The following TSPAN11 variants were observed in gnomAD, a reference collection of about 807,000 sequenced individuals.
TSPAN11 encodes the protein tetraspanin 11.
In TSPAN11, 29 loss-of-function variants were observed where a neutral mutation model predicts 32.9. The observed-to-expected ratio is 0.88, with a 90% CI of 0.66 to 1.20. TSPAN11 has a LOEUF of 1.20. Ranked by LOEUF, TSPAN11 falls within the 50% of genes most tolerant of loss-of-function variation. The pLI, the probability that TSPAN11 is intolerant of heterozygous loss-of-function variation, is 0.00. For missense variants in TSPAN11, 283 were observed against 329.1 expected, an observed-to-expected ratio of 0.86 and a Z score of 1.08; for synonymous variants, 140 against 141.3, an observed-to-expected ratio of 0.99 and a Z score of 0.07.
intron 1 of TSPAN11, among the ~76,000 whole-genome samples, chr12:30,949,817 G>C (rs150017367): frequency 6.6e-6 from 1 of 152,130 alleles, no homozygotes; most frequent in Non-Finnish European, 1.5e-5. Flanking sequence ...GAAAGTGAGC[G>C]CTTGCTAGTC....
At chr12:31,011,190 TTGAGA>T in the TSPAN11 span, among the ~76,000 whole-genome samples, 1 of 152,076 alleles carries the variant, frequency 6.6e-6, no homozygotes, top group South Asian at 2.1e-4. Flanking sequence ...GGTCAGGAGT[TTGAGA>T]CCAACCTGGC....
downstream of TSPAN11, chr12:30,997,322 G>C (rs1939431756): frequency 6.6e-6 from 1 of 152,206 alleles, no homozygotes; most frequent in Admixed American, 6.5e-5. Context: ...ACTTGCTTGA[G>C]AGGTGGTGTA....
chr12:30,949,098 A>G (rs1002525818), intron 1 of TSPAN11, among the ~76,000 whole-genome samples: 7 of 152,178 alleles, frequency 4.6e-5, no homozygotes, highest in South Asian at 2.1e-4. Context: ...TCTCCATCTG[A>G]GACCACCTCA....
At chr12:31,005,963 C>G in the TSPAN11 span, 5 of 153,030 alleles carry the variant, frequency 3.3e-5, no homozygotes, top group Non-Finnish European at 7.3e-5. Context: ...GTGGGAGTAG[C>G]CACTGGTGTG....
chr12:30,939,763 A>G (rs1428101645), intron 1 of TSPAN11, among the ~76,000 whole-genome samples: 3 of 152,030 alleles, frequency 2.0e-5, no homozygotes, highest in Non-Finnish European at 2.9e-5. Flanking sequence ...TTCATTTTCA[A>G]TCCCTGTCAG....
chr12:31,010,779 G>A, the TSPAN11 span, among the ~76,000 whole-genome samples: 1 of 152,126 alleles, frequency 6.6e-6, no homozygotes, highest in African/African-American at 2.4e-5. Flanking sequence ...CTGGGTGGCA[G>A]AGTGAGACCC....
Position 30,992,051 on chromosome 12 carries a change from C to T in TSPAN11, c.*136C>T. 3 of 947,906 alleles carry T rather than the reference C, an allele frequency of 3.2e-6. No homozygotes were observed. The highest frequency in any genetic ancestry group is 4.8e-6 in the Non-Finnish European group (3 of 619,486). The allele number at this position is 947,906 out of a possible 1,614,324, so 58.7% of individuals were successfully genotyped here. A position where few individuals can be genotyped will look rare whatever the true frequency, so the allele number is the denominator to read the frequency against. On this transcript the variant is annotated 3_prime_UTR_variant, in exon 8 of 8. Transcript: ENST00000546076. Reference sequence around the variant, plus strand: ...CCTTTGTGCCTAGCTCCTGCGAATCCACCGAGTGCCTGAGACCATAGCTTC... The same window carrying T: ...CCTTTGTGCCTAGCTCCTGCGAATCTACCGAGTGCCTGAGACCATAGCTTC...
Position 30,994,775 on chromosome 12 carries a change from G to T in TSPAN11, c.*2860G>T, listed in dbSNP as rs1378133916. ...ATCTGTCACCATAAATACTTATCTC[G>T]CAGTTACCCCAGCAAGAGGGTGTTA... On this transcript the variant is annotated 3_prime_UTR_variant, in exon 8 of 8. Transcript: ENST00000546076. The T allele has an allele frequency of 1.3e-5, 2 of 152,100 alleles. No homozygotes were observed. Among genetic ancestry groups the T allele is most frequent in the Non-Finnish European group, 2.9e-5 (2 of 68,020 alleles). The allele number at this position is 152,100 out of a possible 1,614,324, so 9.4% of individuals were successfully genotyped here. A position where few individuals can be genotyped will look rare whatever the true frequency, so the allele number is the denominator to read the frequency against.
downstream of TSPAN11, among the ~76,000 whole-genome samples, chr12:31,000,717 A>G (rs1015827053): frequency 4.6e-5 from 7 of 152,220 alleles, no homozygotes; most frequent in African/African-American, 1.7e-4. Flanking sequence ...TTTTGTCTGG[A>G]GGAACCTCGA....
chr12:30,927,318 C>T (rs1032881589), intron 1 of TSPAN11, among the ~76,000 whole-genome samples: 1 of 152,210 alleles, frequency 6.6e-6, no homozygotes, highest in African/African-American at 2.4e-5. Flanking sequence ...GCTGTGTAGG[C>T]CCTGTCACCT....
rs1173691119 is a variant in TSPAN11 at position 30,934,368 on chromosome 12, G to C, written c.-12+7572G>C. 3.9e-5 allele frequency among the ~76,000 whole-genome samples: 6 copies of C among 152,222 alleles called. No individual in the cohort carries two copies. The East Asian group carries it at 1.2e-3, about 29-fold the overall frequency. ...TACAGGCTCCAAAAAGTCCATCCAGGCTCAGCTTCTCTGGCGTCTTAGTCC... is the reference window on the plus strand; with the variant it reads ...TACAGGCTCCAAAAAGTCCATCCAGCCTCAGCTTCTCTGGCGTCTTAGTCC... On this transcript the variant is annotated intron_variant, in intron 1 of 7. Transcript: ENST00000546076.
At chr12:31,011,626 C>G in the TSPAN11 span, among the ~76,000 whole-genome samples, 1 of 152,180 alleles carries the variant, frequency 6.6e-6, no homozygotes, top group African/African-American at 2.4e-5. Context: ...AGGCCTATGG[C>G]CTTGCCCTCA....
chr12:30,927,588 G>C lies in TSPAN11; in HGVS notation c.-12+792G>C, dbSNP rs536686899. 3.0e-4 allele frequency among the ~76,000 whole-genome samples: 46 copies of C among 152,180 alleles called. 1 individual carries two copies. In the East Asian group the frequency reaches 8.1e-3, roughly 27 times the overall value. On this transcript the variant is annotated intron_variant, in intron 1 of 7. Coordinates refer to ENST00000546076, the MANE Select transcript of TSPAN11 (RefSeq NM_001370302.1). ...GGCAAGTATTGTGAGGTGAGCGTGG[G>C]GGTGGGGGGTGAGGAGAAGAGGCAG...
At chr12:30,964,873 TATCTCCTAC>T (rs1007937215) in intron 3 of TSPAN11, among the ~76,000 whole-genome samples, 3 of 152,222 alleles carry the variant, frequency 2.0e-5, no homozygotes, top group Non-Finnish European at 4.4e-5. Context: ...ATTGGTTGCT[TATCTCCTAC>T]GTCTCCTAAA....
chr12:30,932,074 G>A (rs1565786495), intron 1 of TSPAN11, among the ~76,000 whole-genome samples: 1 of 151,218 alleles, frequency 6.6e-6, no homozygotes, highest in Non-Finnish European at 1.5e-5. Flanking sequence ...CTCAACCAGA[G>A]CCAGATAGGT....
chr12:31,011,031 A>G, the TSPAN11 span, among the ~76,000 whole-genome samples: 1 of 152,238 alleles, frequency 6.6e-6, no homozygotes, highest in African/African-American at 2.4e-5. Flanking sequence ...CAGCAAAAAG[A>G]AACACTTACT....
At chr12:30,958,113 G>A (rs1225036008) in intron 2 of TSPAN11, among the ~76,000 whole-genome samples, 2 of 151,954 alleles carry the variant, frequency 1.3e-5, no homozygotes, top group Non-Finnish European at 2.9e-5. Flanking sequence ...CTCTGAGCTG[G>A]GTTTGGAAGA....
the TSPAN11 span, among the ~76,000 whole-genome samples, chr12:31,007,498 C>T: frequency 1.3e-5 from 2 of 152,104 alleles, no homozygotes; most frequent in African/African-American, 4.8e-5. Flanking sequence ...ATCATATCCC[C>T]TGGCTATTTT....
chr12:30,939,431 C>T (rs1938114848), intron 1 of TSPAN11, among the ~76,000 whole-genome samples: 1 of 152,160 alleles, frequency 6.6e-6, no homozygotes, highest in South Asian at 2.1e-4. Context: ...AAACACCTGT[C>T]TTCATAACTA....
Sources: gnomAD v4.1 joint callset for allele counts (sites outside exome capture counted in the v4.1 genomes callset) on GRCh38, gnomAD v4.1.1 for gene constraint, MANE v1.5 for transcripts, NCBI Gene and HGNC (gene_info 2026-07-23, HGNC 2026-07-21) for gene names.